C16orf74: variants seen among roughly 807,000 people sequenced by gnomAD.
C16orf74 encodes the protein calcimembrin, also known as uncharacterized protein C16orf74.
A neutral mutation model predicts 6.5 loss-of-function variants in C16orf74; 10 were observed. The observed-to-expected ratio is 1.54, with a 90% CI of 0.95 to 2.61. The LOEUF is 2.61. C16orf74 is among the 30% of genes most tolerant of loss of function. The pLI is 0.00. For missense variants in C16orf74, 141 were observed against 105.9 expected, an observed-to-expected ratio of 1.33 and a Z score of -1.45; for synonymous variants, 60 against 42.5, an observed-to-expected ratio of 1.41 and a Z score of -1.60.
intron 2 of C16orf74, among the ~76,000 whole-genome samples, chr16:85,713,793 G>A (rs1226306265): frequency 1.3e-5 from 2 of 152,128 alleles, no homozygotes; most frequent in Non-Finnish European, 2.9e-5. Flanking sequence ...CCCTCCTGAT[G>A]ATGCTCTGTG....
chr16:85,744,901 G>T (rs2054355559), intron 1 of C16orf74, among the ~76,000 whole-genome samples: 1 of 151,136 alleles, frequency 6.6e-6, no homozygotes, highest in Non-Finnish European at 1.5e-5. Context: ...CATCACTTTG[G>T]GAGGCCGAGG....
intron 1 of C16orf74, among the ~76,000 whole-genome samples, chr16:85,736,054 G>T (rs1399701880): frequency 6.6e-6 from 1 of 152,114 alleles, no homozygotes; most frequent in East Asian, 1.9e-4. Flanking sequence ...CTAGGCTGGG[G>T]CCCCACCCCA....
At position 85,707,918 on chromosome 16, in the gene C16orf74, C is replaced by T; in HGVS notation, c.*90G>A. On this transcript the variant is annotated 3_prime_UTR_variant, in exon 4 of 4. Coordinates refer to ENST00000284245, the MANE Select transcript of C16orf74 (RefSeq NM_206967.3). Reference sequence around the variant, plus strand: ...TCGCTCAGTTCCCATCCAGGGTATTCAGCACACCTGCTCCAGGCAGCCACG... The same window carrying T: ...TCGCTCAGTTCCCATCCAGGGTATTTAGCACACCTGCTCCAGGCAGCCACG... 8.6e-7 allele frequency: 1 copy of T among 1,159,236 alleles called. No individual in the cohort carries two copies. The highest frequency in any genetic ancestry group is 1.2e-6 in the Non-Finnish European group (1 of 802,140). The allele number at this position is 1,159,236 out of a possible 1,614,324, so 71.8% of individuals were successfully genotyped here. A position where few individuals can be genotyped will look rare whatever the true frequency, so the allele number is the denominator to read the frequency against.
At chr16:85,723,548 T>C (rs893723904) in intron 2 of C16orf74, among the ~76,000 whole-genome samples, 9 of 151,394 alleles carry the variant, frequency 5.9e-5, no homozygotes, top group Non-Finnish European at 1.3e-4. Context: ...ATGGGGTGAG[T>C]GGAAGGGGCT....
chr16:85,749,992 C>T (rs1316557825), intron 1 of C16orf74, among the ~76,000 whole-genome samples: 1 of 152,166 alleles, frequency 6.6e-6, no homozygotes, highest in African/African-American at 2.4e-5. Context: ...GGTGAGGGTG[C>T]TTTTTGGAGT....
intron 2 of C16orf74, among the ~76,000 whole-genome samples, chr16:85,719,196 A>T (rs2054054577): frequency 1.3e-5 from 2 of 152,186 alleles, no homozygotes; most frequent in Non-Finnish European, 2.9e-5. Flanking sequence ...GTCAACAGGC[A>T]TTTATTGTGC....
chr16:85,733,656 G>T (rs545409349), intron 2 of C16orf74, among the ~76,000 whole-genome samples: 14 of 152,262 alleles, frequency 9.2e-5, no homozygotes, highest in African/African-American at 3.4e-4. Context: ...AGTTTCAAGG[G>T]GTTAGGCTTG....
chr16:85,710,135 C>G, intron 3 of C16orf74, 29 bp downstream of exon 3: 1 of 1,394,552 alleles, frequency 7.2e-7, no homozygotes. Context: ...ACAGCCGACC[C>G]GGCTTGGCGG....
chr16:85,736,432 C>A (rs1412356048), intron 1 of C16orf74, among the ~76,000 whole-genome samples: 3 of 152,118 alleles, frequency 2.0e-5, no homozygotes, highest in Admixed American at 2.0e-4. Flanking sequence ...GATGCTTGCT[C>A]TGGGCCAGAA....
At chr16:85,718,639 C>G (rs1019353257) in intron 2 of C16orf74, among the ~76,000 whole-genome samples, 5 of 152,218 alleles carry the variant, frequency 3.3e-5, no homozygotes, top group Non-Finnish European at 4.4e-5. Context: ...AGGTTAAGGA[C>G]CACACTTGAG....
intron 1 of C16orf74, among the ~76,000 whole-genome samples, chr16:85,744,751 G>A (rs557847646): frequency 2.7e-4 from 37 of 138,784 alleles, no homozygotes; most frequent in African/African-American, 9.2e-4. Flanking sequence ...AATGGTGTCA[G>A]CCCACGAGGC....
chr16:85,744,473 T>A lies in C16orf74; in HGVS notation c.-19+6453A>T, dbSNP rs2054347336. 3.3e-5 allele frequency among the ~76,000 whole-genome samples: 5 copies of A among 152,026 alleles called. No homozygotes were observed. The South Asian group carries it at 1.0e-3, about 32-fold the overall frequency. The stretch of plus-strand genomic sequence containing the variant: ...TTATGTTCCCGTTGAAATATCAGAT[T>A]GTTAATTATTTGCACAACAGCTTGA... On this transcript the variant is annotated intron_variant, in intron 1 of 3. Transcript: ENST00000284245.
rs529897880 is a variant in C16orf74 at position 85,729,401 on chromosome 16, C to T, written c.28+5789G>A. Among the ~76,000 whole-genome samples the T allele has an allele frequency of 7.9e-5, 12 of 152,328 alleles. No individual in the cohort carries two copies. The East Asian group carries it at 9.7e-4, about 12-fold the overall frequency. The stretch of plus-strand genomic sequence containing the variant: ...CTCTGCAGCCCCTTTCCTTTGGACT[C>T]GGAAACAAAGGGGTGTTGGCACAGC... On this transcript the variant is annotated intron_variant, in intron 2 of 3. Coordinates refer to ENST00000284245, the MANE Select transcript of C16orf74 (RefSeq NM_206967.3).
At chr16:85,725,415 G>A (rs1182123900) in intron 2 of C16orf74, among the ~76,000 whole-genome samples, 3 of 152,156 alleles carry the variant, frequency 2.0e-5, no homozygotes, top group Admixed American at 6.5e-5. Flanking sequence ...GACCACCCAG[G>A]GGAATCACCT....
intron 2 of C16orf74, among the ~76,000 whole-genome samples, chr16:85,712,008 G>T (rs888765754): frequency 6.6e-6 from 1 of 152,158 alleles, no homozygotes; most frequent in South Asian, 2.1e-4. Context: ...TGACTTCCAC[G>T]GTGAGGTCAT....
At chr16:85,736,911 G>A (rs1170306066) in intron 1 of C16orf74, among the ~76,000 whole-genome samples, 5 of 152,208 alleles carry the variant, frequency 3.3e-5, no homozygotes, top group African/African-American at 1.2e-4. Context: ...AGGCATGGTG[G>A]TGGGTGCTTG....
At chr16:85,732,665 C>CAAAAAAAA (rs66539936) in intron 2 of C16orf74, among the ~76,000 whole-genome samples, 25 of 44,160 alleles carry the variant, frequency 5.7e-4, no homozygotes, top group African/African-American at 1.7e-3. Context: ...GACTCTGTCT[C>CAAAAAAAA]AAAAAAAAAA....
intron 1 of C16orf74, among the ~76,000 whole-genome samples, chr16:85,744,875 T>C (rs1323595475): frequency 5.6e-5 from 8 of 143,098 alleles, no homozygotes; most frequent in African/African-American, 7.8e-5. Context: ...GGTGCAGTGG[T>C]TTACGCCTGT....
At chr16:85,724,912 A>T (rs2051612067) in intron 2 of C16orf74, among the ~76,000 whole-genome samples, 1 of 152,178 alleles carries the variant, frequency 6.6e-6, no homozygotes, top group Non-Finnish European at 1.5e-5. Flanking sequence ...GGGAACTATC[A>T]CCCGAATACT....
Sources: allele counts gnomAD v4.1 joint callset (sites outside exome capture counted in the v4.1 genomes callset), GRCh38; gene constraint gnomAD v4.1.1; transcripts MANE v1.5; gene names NCBI Gene and HGNC (gene_info 2026-07-23, HGNC 2026-07-21).